The following SGCD variants were observed in gnomAD, a reference collection of about 807,000 sequenced individuals.
The protein encoded by SGCD is sarcoglycan delta.
Under a neutral mutation model 36.6 loss-of-function variants are expected in SGCD, and 18 were observed. The ratio of observed to expected loss-of-function variants is 0.49; its 90% CI spans 0.34 to 0.73. SGCD has a LOEUF of 0.73. Ranked by LOEUF, SGCD falls within the 30% of genes least tolerant of loss-of-function variation. SGCD has a pLI of 0.01. For missense variants in SGCD, 387 were observed against 346.7 expected, an observed-to-expected ratio of 1.12 and a Z score of -0.92; for synonymous variants, 133 against 130.6, an observed-to-expected ratio of 1.02 and a Z score of -0.12.
At position 156,506,389 on chromosome 5, in the gene SGCD, T is replaced by C. The variant is rs1196388459; in HGVS notation, c.193-2212T>C. ...CACAGACACACACACACACACCCCT[T>C]ATTTTCCAGTTCCGTCCGCAGAAAC... On this transcript the variant is annotated intron_variant, in intron 3 of 8. Coordinates refer to ENST00000337851, the MANE Select transcript of SGCD (RefSeq NM_000337.6). Among the ~76,000 whole-genome samples the C allele has an allele frequency of 2.0e-5, 3 of 152,100 alleles. No homozygotes were observed. In the East Asian group the frequency reaches 5.8e-4, roughly 29 times the overall value.
At chr5:156,609,787 C>T (rs556853179) in intron 6 of SGCD, among the ~76,000 whole-genome samples, 1 of 152,206 alleles carries the variant, frequency 6.6e-6, no homozygotes, top group Non-Finnish European at 1.5e-5. Flanking sequence ...CACTTCATTT[C>T]ATTCATTTGA....
intron 1 of SGCD, among the ~76,000 whole-genome samples, chr5:155,931,178 T>G (rs540799676): frequency 6.6e-6 from 1 of 152,012 alleles, no homozygotes; most frequent in East Asian, 1.9e-4. Flanking sequence ...GAAAAGCTCT[T>G]CTCATTATTT....
Position 156,637,697 on chromosome 5 carries a change from AG to A in SGCD, c.503-9762del, listed in dbSNP as rs77826498. Among the ~76,000 whole-genome samples, 1,308 of 152,252 alleles carry A rather than the reference AG, an allele frequency of 8.6e-3. 22 individuals carry two copies. The highest frequency in any genetic ancestry group is 0.049 in the East Asian group (254 of 5,188). On this transcript the variant is annotated intron_variant, in intron 6 of 8. Transcript: ENST00000337851. ...ACTAGGATTTTCTTGGCCAGGGGAAAGGGGGAAATGGTTGTTGACAAGGAAA... is the reference window on the plus strand; with the variant it reads ...ACTAGGATTTTCTTGGCCAGGGGAAAGGGGAAATGGTTGTTGACAAGGAAA...
the SGCD span, among the ~76,000 whole-genome samples, chr5:155,787,637 T>A: frequency 3.3e-5 from 5 of 152,318 alleles, no homozygotes; most frequent in Admixed American, 2.6e-4. Flanking sequence ...CTTATTTTCT[T>A]GGCTCATGTT....
At chr5:156,164,918 G>T (rs1189825604) in intron 3 of SGCD, among the ~76,000 whole-genome samples, 6 of 152,204 alleles carry the variant, frequency 3.9e-5, no homozygotes. Flanking sequence ...AGTGACTGAA[G>T]AAATTTCGGC....
the SGCD span, among the ~76,000 whole-genome samples, chr5:155,863,880 C>T: frequency 6.6e-6 from 1 of 152,048 alleles, no homozygotes; most frequent in African/African-American, 2.4e-5. Flanking sequence ...GTGTGCCACG[C>T]ACATAATAGA....
At chr5:155,873,295 GT>G (rs1421839716) in intron 1 of SGCD, among the ~76,000 whole-genome samples, 1 of 152,118 alleles carries the variant, frequency 6.6e-6, no homozygotes, top group Non-Finnish European at 1.5e-5. Context: ...TTAAAAAAAA[GT>G]TAAAAAACTA....
chr5:155,793,672 G>T, the SGCD span, among the ~76,000 whole-genome samples: 1 of 151,594 alleles, frequency 6.6e-6, no homozygotes, highest in African/African-American at 2.4e-5. Flanking sequence ...CTCCCTAGTA[G>T]CTGGGACTAC....
chr5:155,907,573 A>T (rs538071145), intron 1 of SGCD, among the ~76,000 whole-genome samples: 1 of 152,252 alleles, frequency 6.6e-6, no homozygotes, highest in South Asian at 2.1e-4. Flanking sequence ...GGAGTTTAAG[A>T]CTTCAGAGGA....
At chr5:155,879,160 C>T (rs2113291194) in intron 1 of SGCD, among the ~76,000 whole-genome samples, 1 of 152,210 alleles carries the variant, frequency 6.6e-6, no homozygotes, top group African/African-American at 2.4e-5. Flanking sequence ...GAAAGATTAC[C>T]TGGCTCTTAG....
chr5:156,744,167 C>T lies in SGCD; in HGVS notation c.576-13414C>T, dbSNP rs531962338. Among the ~76,000 whole-genome samples the T allele has an allele frequency of 7.2e-5, 11 of 152,332 alleles. No homozygotes were observed. The South Asian group carries it at 2.3e-3, about 32-fold the overall frequency. The stretch of plus-strand genomic sequence containing the variant: ...CCCCTGTCTCTATAAATCCACCCCT[C>T]ATTGTTATCCCTGTTTTATTTTTAT... On this transcript the variant is annotated intron_variant, in intron 7 of 8. Transcript: ENST00000337851.
At chr5:156,226,660 G>GT (rs1473228251) in intron 3 of SGCD, among the ~76,000 whole-genome samples, 1 of 152,138 alleles carries the variant, frequency 6.6e-6, no homozygotes, top group East Asian at 1.9e-4. Context: ...CATAGCGGCT[G>GT]TACTAGTTTA....
intron 3 of SGCD, among the ~76,000 whole-genome samples, chr5:156,164,964 T>G (rs1363695459): frequency 6.6e-6 from 1 of 152,172 alleles, no homozygotes; most frequent in Non-Finnish European, 1.5e-5. Context: ...GACATGAAAA[T>G]GTTTTCTATT....
At chr5:156,644,724 A>T (rs1763163635) in intron 6 of SGCD, among the ~76,000 whole-genome samples, 1 of 152,126 alleles carries the variant, frequency 6.6e-6, no homozygotes, top group Non-Finnish European at 1.5e-5. Flanking sequence ...CTTATCCCTC[A>T]TTTAATAATT....
intron 1 of SGCD, among the ~76,000 whole-genome samples, chr5:155,914,724 C>A (rs1203490629): frequency 6.6e-6 from 1 of 152,082 alleles, no homozygotes. Context: ...CATGACAATT[C>A]CTTTTATTGG....
In SGCD at chr5:156,033,868, C is replaced by T. The variant is rs183267800; in HGVS notation, c.-281-84010C>T. ...GTTACTCTGAACCTCTTTTTACTGG[C>T]TCACATTGCCCATTTTTGCACTTAA... On this transcript the variant is annotated intron_variant, in intron 1 of 9. Coordinates refer to the SGCD transcript ENST00000517913. Among the ~76,000 whole-genome samples, 89 of 152,254 alleles carry T rather than the reference C, an allele frequency of 5.8e-4. 1 individual carries two copies. The highest frequency in any genetic ancestry group is 2.0e-3 in the African/African-American group (83 of 41,554).
At chr5:156,316,775 A>T (rs558350773) in intron 3 of SGCD, among the ~76,000 whole-genome samples, 1 of 152,198 alleles carries the variant, frequency 6.6e-6, no homozygotes, top group South Asian at 2.1e-4. Flanking sequence ...ATGGGAACTA[A>T]GAGTGAAACC....
chr5:156,410,604 T>G (rs536481586), intron 3 of SGCD, among the ~76,000 whole-genome samples: 14 of 152,326 alleles, frequency 9.2e-5, no homozygotes, highest in African/African-American at 3.4e-4. Context: ...CCTAGCATAG[T>G]GCCTGCTACA....
chr5:156,597,260 C>T (rs1277266948), intron 6 of SGCD, among the ~76,000 whole-genome samples: 1 of 150,618 alleles, frequency 6.6e-6, no homozygotes, highest in African/African-American at 2.5e-5. Flanking sequence ...ACCAAGATTT[C>T]TCTGGGTTGT....
Sources: gnomAD v4.1 joint callset for allele counts (sites outside exome capture counted in the v4.1 genomes callset) on GRCh38, gnomAD v4.1.1 for gene constraint, MANE v1.5 for transcripts, NCBI Gene and HGNC (gene_info 2026-07-23, HGNC 2026-07-21) for gene names.